CD44: variants seen among roughly 807,000 people sequenced by gnomAD.
The protein encoded by CD44 is CD44 antigen.
CD44 carries 49 observed loss-of-function variants against 88.8 expected under a neutral mutation model. That is an observed-to-expected ratio of 0.55 (90% CI 0.44 to 0.70). CD44 has a LOEUF of 0.70. CD44 is among the 30% of genes least tolerant of loss of function. The pLI is 0.00. For missense variants in CD44, 883 were observed against 913.8 expected, an observed-to-expected ratio of 0.97 and a Z score of 0.43; for synonymous variants, 325 against 312.3, an observed-to-expected ratio of 1.04 and a Z score of -0.43.
chr11:35,166,758 CT>C (rs1486815749), intron 1 of CD44, among the ~76,000 whole-genome samples: 1 of 152,226 alleles, frequency 6.6e-6, no homozygotes, highest in Admixed American at 6.5e-5. Flanking sequence ...AGGGCACATT[CT>C]GGAGGAAATT....
At chr11:35,204,484 T>C (rs905258053) in intron 9 of CD44, 28 bp from the exon 10 acceptor site, 1 of 1,610,374 alleles carries the variant, frequency 6.2e-7, no homozygotes, top group African/African-American at 1.3e-5. Flanking sequence ...TAGACAATTA[T>C]GTCTCCCAAC....
Position 35,219,336 on chromosome 11 carries a change from G to A in CD44, c.1894G>A (p.Glu632Lys), listed in dbSNP as rs772489670. The A allele has an allele frequency of 1.9e-6, 3 of 1,613,734 alleles. No homozygotes were observed. The African/African-American group carries it at 4.0e-5, about 22-fold the overall frequency. The change falls in exon 16 of 18, where the codon GAA (glutamate) becomes AAA (lysine). Residue 632 changes from glutamate to lysine, a missense_variant. Coordinates refer to ENST00000428726, the MANE Select transcript of CD44 (RefSeq NM_000610.4). ...ESDGHSHGSQ[E>K]GGANTTSGPI... ...CTTAGGACACTCACATGGGAGTCAA[G>A]AAGGTGGAGCAAACACAACCTCTGG...
chr11:35,208,204 C>T lies in CD44; in HGVS notation c.1514C>T (p.Thr505Met), dbSNP rs147167567. ...LDRTGPLSMTTQQSNSQSFST... is the reference protein window; with the variant it reads ...LDRTGPLSMTMQQSNSQSFST... ...AGGACAGGACCTCTTTCAATGACAACGCGTAAGAATAACGATGCTCAGCCA... is the reference window on the plus strand; with the variant it reads ...AGGACAGGACCTCTTTCAATGACAATGCGTAAGAATAACGATGCTCAGCCA... Residue 505 changes from threonine to methionine, a missense_variant and splice_region_variant, in exon 12 of 18, where the codon ACG (threonine) becomes ATG (methionine). Around this residue, in one of 2 missense-constraint regions of CD44, gnomAD observed 631 missense variants for 590.9 expected, o/e 1.07. Coordinates refer to ENST00000428726, the MANE Select transcript of CD44 (RefSeq NM_000610.4). 131 of 1,601,132 alleles carry T rather than the reference C, an allele frequency of 8.2e-5. No homozygotes were observed. The highest frequency in any genetic ancestry group is 6.7e-4 in the Admixed American group (40 of 59,988).
intron 1 of CD44, among the ~76,000 whole-genome samples, chr11:35,149,907 G>A (rs1463626500): frequency 6.6e-6 from 1 of 152,318 alleles, no homozygotes; most frequent in Middle Eastern, 3.4e-3. Context: ...TGCTTTGCCC[G>A]TAGTACTTCA....
At position 35,190,038 on chromosome 11, in the gene CD44, G is replaced by A. The variant is rs767614676; in HGVS notation, c.640G>A (p.Asp214Asn). The change falls in exon 5 of 18, where the codon GAC (aspartate) becomes AAC (asparagine). Residue 214 changes from aspartate to asparagine, a missense_variant. This residue lies in a region of CD44 where 252 missense variants were observed against 322.9 expected (regional missense o/e 0.78). Coordinates refer to ENST00000428726, the MANE Select transcript of CD44 (RefSeq NM_000610.4). ...AGACGAAGACAGTCCCTGGATCACC[G>A]ACAGCACAGACAGAATCCCTGCTAC... ...IPDEDSPWIT[D>N]STDRIPATTL... 34 of 1,613,874 alleles carry A rather than the reference G, an allele frequency of 2.1e-5. No homozygotes were observed. Among genetic ancestry groups the A allele is most frequent in the Admixed American group, 6.7e-5 (4 of 59,998 alleles).
intron 14 of CD44, chr11:35,214,593 C>T (rs1948671596): frequency 1.1e-5 from 4 of 353,580 alleles, no homozygotes; most frequent in African/African-American, 2.1e-5. Context: ...ACAAAACTTC[C>T]TGTGGTCATC....
chr11:35,208,606 TA>T (rs1435671223), intron 12 of CD44, among the ~76,000 whole-genome samples: 1 of 152,150 alleles, frequency 6.6e-6, no homozygotes, highest in Admixed American at 6.5e-5. Flanking sequence ...TGCATGGTTG[TA>T]AAAAGACATT....
chr11:35,201,021 A>C, intron 7 of CD44, 61 bp from the exon 8 acceptor site: 1 of 1,148,154 alleles, frequency 8.7e-7, no homozygotes, highest in East Asian at 2.3e-5. Flanking sequence ...TATGTGCGGG[A>C]CAAGTGGCGA....
intron 17 of CD44, chr11:35,222,628 A>G (rs1646965183): frequency 1.4e-6 from 1 of 715,462 alleles, no homozygotes. Context: ...CACATACATT[A>G]TATATACACA....
At chr11:35,194,521 TCA>T (rs1946552330) in intron 5 of CD44, among the ~76,000 whole-genome samples, 1 of 152,190 alleles carries the variant, frequency 6.6e-6, no homozygotes, top group Non-Finnish European at 1.5e-5. Context: ...ACTCAGGATC[TCA>T]CAACAACAGC....
At chr11:35,139,720 A>C in intron 1 of CD44, 1 of 529,004 alleles carries the variant, frequency 1.9e-6, no homozygotes, top group Non-Finnish European at 3.6e-6. Flanking sequence ...TCCTGTGCCC[A>C]AGGGCTCGCC....
intron 1 of CD44, among the ~76,000 whole-genome samples, chr11:35,145,038 A>G (rs1364413360): frequency 6.6e-6 from 1 of 152,248 alleles, no homozygotes; most frequent in Non-Finnish European, 1.5e-5. Flanking sequence ...ACATATGCAC[A>G]TTGCAGGTAT....
At chr11:35,163,832 T>G (rs1942942726) in intron 1 of CD44, among the ~76,000 whole-genome samples, 2 of 152,138 alleles carry the variant, frequency 1.3e-5, no homozygotes, top group African/African-American at 4.8e-5. Flanking sequence ...AAAGTCAAGG[T>G]GCAGCAAGGA....
At chr11:35,200,768 C>T (rs534347118) in intron 7 of CD44, 6 of 299,282 alleles carry the variant, frequency 2.0e-5, no homozygotes, top group Middle Eastern at 1.1e-3. Flanking sequence ...TGGTTATCCT[C>T]GGTGGAGGGC....
chr11:35,176,257 T>C (rs1944456763), intron 1 of CD44, among the ~76,000 whole-genome samples: 3 of 152,118 alleles, frequency 2.0e-5, no homozygotes, highest in African/African-American at 7.2e-5. Flanking sequence ...TTAGCCAGGA[T>C]GGTCTCGATC....
At chr11:35,223,213 A>G (rs1949444994) in intron 17 of CD44, 2 of 985,194 alleles carry the variant, frequency 2.0e-6, no homozygotes, top group South Asian at 4.7e-5. Flanking sequence ...TTTTAGTTGA[A>G]TTTAAATAAT....
intron 7 of CD44, among the ~76,000 whole-genome samples, chr11:35,198,784 C>T (rs1440067710): frequency 6.6e-5 from 10 of 152,050 alleles, no homozygotes. Flanking sequence ...CGAGACCATC[C>T]TGGCTAACAC....
chr11:35,193,916 T>C (rs1946497998), intron 5 of CD44, among the ~76,000 whole-genome samples: 1 of 152,196 alleles, frequency 6.6e-6, no homozygotes, highest in African/African-American at 2.4e-5. Context: ...TGCTCAAGTA[T>C]GAAGTTTGAC....
rs77890226 is a variant in CD44, at chr11:35,222,292, G to A, written c.2024+560G>A. On this transcript the variant is annotated intron_variant, in intron 17 of 17. Coordinates refer to ENST00000428726, the MANE Select transcript of CD44 (RefSeq NM_000610.4). ...TATTGGCCTTGTGCTTTTGTTTGTC[G>A]TTTGTTTTTTTATTGGCCTTGTGCT... 2.2e-4 allele frequency: 140 copies of A among 639,252 alleles called. No homozygotes were observed. The East Asian group carries it at 3.3e-3, about 15-fold the overall frequency. 39.6% of individuals were successfully genotyped at this position (639,252 alleles called of 1,614,324 possible). A position where few individuals can be genotyped will look rare whatever the true frequency, so the allele number is the denominator to read the frequency against.
Sources: gnomAD v4.1 joint callset for allele counts (sites outside exome capture counted in the v4.1 genomes callset) on GRCh38, gnomAD v4.1.1 for gene constraint, gnomAD v4.1.1 regional missense constraint, MANE v1.5 for transcripts, NCBI Gene and HGNC (gene_info 2026-07-23, HGNC 2026-07-21) for gene names.